CSMD1: variants seen among roughly 807,000 people sequenced by gnomAD.
The protein encoded by CSMD1 is CUB and sushi domain-containing protein 1.
Under a neutral mutation model 417.5 loss-of-function variants are expected in CSMD1, and 213 were observed. That is an observed-to-expected ratio of 0.51 (90% CI 0.46 to 0.57). The LOEUF (loss-of-function observed/expected upper bound fraction) is 0.57. Among genes scored for constraint, CSMD1 ranks in the 20% least tolerant of loss-of-function variants. CSMD1 has a pLI of 0.00. For missense variants in CSMD1, 6,923 were observed against 4,529.7 expected, an observed-to-expected ratio of 1.53 and a Z score of -15.17; for synonymous variants, 2,862 against 1,736.8, an observed-to-expected ratio of 1.65 and a Z score of -16.11.
At chr8:3,588,012 T>C (rs939629570) in intron 8 of CSMD1, among the ~76,000 whole-genome samples, 16 of 152,190 alleles carry the variant, frequency 1.1e-4, no homozygotes, top group Admixed American at 5.2e-4. Context: ...ATATCTGTAA[T>C]TGTAGACATA....
At chr8:4,034,040 A>C (rs1390632334) in intron 3 of CSMD1, among the ~76,000 whole-genome samples, 1 of 152,216 alleles carries the variant, frequency 6.6e-6, no homozygotes, top group Non-Finnish European at 1.5e-5. Context: ...AATTGAACAG[A>C]AACTATTTCA....
At chr8:3,381,459 G>A (rs1439627434) in intron 18 of CSMD1, among the ~76,000 whole-genome samples, 3 of 152,048 alleles carry the variant, frequency 2.0e-5, no homozygotes, top group Non-Finnish European at 4.4e-5. Context: ...CAAATTTAGG[G>A]TAATTTAATA....
intron 3 of CSMD1, among the ~76,000 whole-genome samples, chr8:4,086,580 T>C (rs558021959): frequency 1.3e-5 from 2 of 152,216 alleles, no homozygotes; most frequent in African/African-American, 4.8e-5. Flanking sequence ...CAATCTCCTC[T>C]ACTGATGCAG....
chr8:3,276,876 A>G (rs1802332498), intron 26 of CSMD1, among the ~76,000 whole-genome samples: 3 of 152,174 alleles, frequency 2.0e-5, no homozygotes, highest in Admixed American at 2.0e-4. Context: ...TTCTAGGAAA[A>G]CAAAGACCAT....
At chr8:4,434,032 G>C (rs527901725) in intron 2 of CSMD1, among the ~76,000 whole-genome samples, 7 of 152,214 alleles carry the variant, frequency 4.6e-5, no homozygotes, top group African/African-American at 1.7e-4. Context: ...ATATGACAAG[G>C]AATTTTAAAT....
intron 1 of CSMD1, among the ~76,000 whole-genome samples, chr8:4,791,533 G>C (rs972040484): frequency 1.3e-5 from 2 of 152,158 alleles, no homozygotes; most frequent in African/African-American, 4.8e-5. Flanking sequence ...TTGTATAAGA[G>C]CCACTGGAAA....
chr8:3,134,660 A>C (rs1486495241), intron 41 of CSMD1, among the ~76,000 whole-genome samples: 2 of 152,176 alleles, frequency 1.3e-5, no homozygotes, highest in Non-Finnish European at 2.9e-5. Flanking sequence ...CACTGACTAA[A>C]TCGTTGGATT....
intron 3 of CSMD1, among the ~76,000 whole-genome samples, chr8:4,356,706 G>C (rs558664004): frequency 6.6e-6 from 1 of 151,940 alleles, no homozygotes. Context: ...CCTTCTCACC[G>C]TGCTCTCCAA....
intron 1 of CSMD1, among the ~76,000 whole-genome samples, chr8:4,684,745 T>C (rs368417705): frequency 9.8e-5 from 15 of 152,350 alleles, no homozygotes; most frequent in South Asian, 8.3e-4. Flanking sequence ...TTTTGAACTA[T>C]AAATAATTAA....
intron 2 of CSMD1, among the ~76,000 whole-genome samples, chr8:4,475,112 T>A (rs1316497477): frequency 6.6e-6 from 1 of 152,186 alleles, no homozygotes; most frequent in South Asian, 2.1e-4. Context: ...TGGATATGTG[T>A]TTTAGGATGC....
chr8:4,713,758 G>A (rs995221612), intron 1 of CSMD1, among the ~76,000 whole-genome samples: 10 of 152,152 alleles, frequency 6.6e-5, no homozygotes, highest in African/African-American at 1.2e-4. Flanking sequence ...CCACGGACAG[G>A]TAAGTTCTGA....
intron 2 of CSMD1, among the ~76,000 whole-genome samples, chr8:4,456,196 C>A (rs1166736121): frequency 6.6e-6 from 1 of 151,522 alleles, no homozygotes; most frequent in Admixed American, 6.6e-5. Context: ...AACTTTATTA[C>A]AGGTTTTTAA....
At chr8:3,693,797 C>T (rs1048062185) in intron 7 of CSMD1, among the ~76,000 whole-genome samples, 3 of 149,090 alleles carry the variant, frequency 2.0e-5, no homozygotes, top group Admixed American at 2.0e-4. Context: ...GTGTTGGCGT[C>T]GTGTGTGTGT....
At chr8:4,924,591 C>T (rs2117159742) in intron 1 of CSMD1, among the ~76,000 whole-genome samples, 1 of 151,728 alleles carries the variant, frequency 6.6e-6, no homozygotes, top group East Asian at 1.9e-4. Context: ...GTGTGGTGGC[C>T]CGTGCCTGTA....
chr8:3,130,736 C>T (rs915784161), intron 41 of CSMD1, among the ~76,000 whole-genome samples: 17 of 151,894 alleles, frequency 1.1e-4, no homozygotes, highest in African/African-American at 3.9e-4. Context: ...CAGAGAGTGG[C>T]AGACCCCAGG....
intron 3 of CSMD1, among the ~76,000 whole-genome samples, chr8:4,249,498 G>A (rs376900897): frequency 6.6e-6 from 1 of 152,198 alleles, no homozygotes; most frequent in African/African-American, 2.4e-5. Flanking sequence ...ATTTAATGCG[G>A]AAGGATGTAG....
At chr8:3,460,896 C>T (rs1319977032) in intron 12 of CSMD1, among the ~76,000 whole-genome samples, 1 of 152,118 alleles carries the variant, frequency 6.6e-6, no homozygotes, top group Non-Finnish European at 1.5e-5. Flanking sequence ...ACCAGGAAGG[C>T]AGACATGACC....
chr8:3,411,468 C>G (rs1163089711), intron 12 of CSMD1, among the ~76,000 whole-genome samples: 1 of 151,752 alleles, frequency 6.6e-6, no homozygotes, highest in South Asian at 2.1e-4. Context: ...CCCGAGTCCC[C>G]AAGGTCCATT....
At chr8:3,122,574 G>A (rs976478049) in intron 41 of CSMD1, among the ~76,000 whole-genome samples, 7 of 152,170 alleles carry the variant, frequency 4.6e-5, no homozygotes, top group Admixed American at 4.6e-4. Context: ...GAGGGACCCA[G>A]GGGAGGTAAT....
Sources: gnomAD v4.1 joint callset for allele counts (sites outside exome capture counted in the v4.1 genomes callset) on GRCh38, gnomAD v4.1.1 for gene constraint, MANE v1.5 for transcripts, NCBI Gene and HGNC (gene_info 2026-07-23, HGNC 2026-07-21) for gene names.